WDR33: variants seen among roughly 807,000 people sequenced by gnomAD.
WDR33 encodes pre-mRNA 3' end processing protein WDR33.
Under a neutral mutation model 164.9 loss-of-function variants are expected in WDR33, and 47 were observed. The observed-to-expected ratio is 0.29, with a 90% CI of 0.23 to 0.36. The LOEUF (loss-of-function observed/expected upper bound fraction) is 0.36. WDR33 is among the 10% of genes least tolerant of loss of function. WDR33 has a pLI of 1.00. For missense variants in WDR33, 1,137 were observed against 1,754.1 expected, an observed-to-expected ratio of 0.65 and a Z score of 6.28; for synonymous variants, 505 against 589.0, an observed-to-expected ratio of 0.86 and a Z score of 2.06.
At chr2:127,804,085 G>A (rs1455473038) in intron 1 of WDR33, among the ~76,000 whole-genome samples, 1 of 152,148 alleles carries the variant, frequency 6.6e-6, no homozygotes, top group Non-Finnish European at 1.5e-5. Context: ...ACTTTGGGAG[G>A]CCGAGGAGGG....
chr2:127,771,329 T>C (rs1687995280), intron 1 of WDR33, among the ~76,000 whole-genome samples: 1 of 152,216 alleles, frequency 6.6e-6, no homozygotes, highest in South Asian at 2.1e-4. Flanking sequence ...GTTACTTTAC[T>C]GAATGCTGGT....
chr2:127,810,375 G>A (rs1009427100), intron 1 of WDR33, among the ~76,000 whole-genome samples: 4 of 152,066 alleles, frequency 2.6e-5, no homozygotes, highest in Non-Finnish European at 4.4e-5. Context: ...TAATCCCAAG[G>A]GTTACAACCA....
chr2:127,724,541 C>T lies in WDR33; in HGVS notation c.1086-98G>A. Reference sequence around the variant, plus strand: ...ATTTTCTGTTACTCTTAAAATGAAGCTACCAAAGCCTGGACTTGGACTCTG... The same window carrying T: ...ATTTTCTGTTACTCTTAAAATGAAGTTACCAAAGCCTGGACTTGGACTCTG... On this transcript the variant is annotated intron_variant, in intron 10 of 21. Transcript: ENST00000322313. This position sits in a 1 kb window ranked among gnomAD's most constrained non-coding sequence, Gnocchi z 4.8. 1 of 1,061,014 alleles carries T rather than the reference C, an allele frequency of 9.4e-7. No homozygotes were observed. Among genetic ancestry groups the T allele is most frequent in the Non-Finnish European group, 1.4e-6 (1 of 706,924 alleles). The allele number at this position is 1,061,014 out of a possible 1,614,324, so 65.7% of individuals were successfully genotyped here.
intron 1 of WDR33, among the ~76,000 whole-genome samples, chr2:127,775,146 C>T (rs916020738): frequency 2.6e-5 from 4 of 151,898 alleles, no homozygotes; most frequent in African/African-American, 7.3e-5. Flanking sequence ...CTCTGTTATG[C>T]GACTTTTATC....
intron 7 of WDR33, among the ~76,000 whole-genome samples, chr2:127,751,362 A>AAATAATAAT (rs61554819): frequency 2.8e-4 from 39 of 136,846 alleles, no homozygotes; most frequent in Non-Finnish European, 4.8e-4. Flanking sequence ...CCTTATCTCA[A>AAATAATAAT]AATAATAATA....
intron 1 of WDR33, among the ~76,000 whole-genome samples, chr2:127,785,657 TTTG>T (rs146944821): frequency 0.042 from 6,368 of 152,184 alleles, 387 homozygotes; most frequent in African/African-American, 0.14. Flanking sequence ...ATAGCTTTTT[TTTG>T]TTTTTACTAC....
chr2:127,802,675 G>A (rs1355021609), intron 1 of WDR33, among the ~76,000 whole-genome samples: 1 of 151,912 alleles, frequency 6.6e-6, no homozygotes, highest in Non-Finnish European at 1.5e-5. Context: ...TGTAAATAAC[G>A]TATTAAAAAA....
At chr2:127,733,005 T>C (rs923663682) in intron 7 of WDR33, among the ~76,000 whole-genome samples, 6 of 152,152 alleles carry the variant, frequency 3.9e-5, no homozygotes, top group African/African-American at 1.2e-4. Flanking sequence ...GAATGTAGTG[T>C]TTGTAATACT....
Position 127,779,925 on chromosome 2 carries a change from T to C in WDR33, c.-23-8921A>G, listed in dbSNP as rs181600005. Among the ~76,000 whole-genome samples, 30 of 152,194 alleles carry C rather than the reference T, an allele frequency of 2.0e-4. No homozygotes were observed. The East Asian group carries it at 5.6e-3, about 28-fold the overall frequency. ...AAAAGCAAATTATTGATGCATTAAC[T>C]AGCTAGCAATTCATATAGGACTTTT... On this transcript the variant is annotated intron_variant, in intron 1 of 21. Coordinates refer to ENST00000322313, the MANE Select transcript of WDR33 (RefSeq NM_018383.5).
chr2:127,808,392 C>G (rs189525081), intron 1 of WDR33, among the ~76,000 whole-genome samples: 139 of 152,294 alleles, frequency 9.1e-4, no homozygotes, highest in Middle Eastern at 3.4e-3. Flanking sequence ...TCCAATACTA[C>G]CTAGCTCTGG....
rs1553479882 is a variant in WDR33, at chr2:127,786,863, T to TTTA, written c.-23-15860_-23-15859insTAA. ...TCTGTTCTTTTTTTTTTTTTTTTTTTAATTTATTTTTTTATTGATAATTCT... is the reference window on the plus strand; with the variant it reads ...TCTGTTCTTTTTTTTTTTTTTTTTTTTTAAATTTATTTTTTTATTGATAATTCT... On this transcript the variant is annotated intron_variant, in intron 1 of 21. Transcript: ENST00000322313. 2.7e-3 allele frequency among the ~76,000 whole-genome samples: 336 copies of TTTA among 122,792 alleles called. 2 individuals carry two copies. Among genetic ancestry groups the TTTA allele is most frequent in the African/African-American group, 9.7e-3 (308 of 31,654 alleles). 80.6% of individuals were successfully genotyped at this position (122,792 alleles called of 152,430 possible). A position where few individuals can be genotyped will look rare whatever the true frequency, so the allele number is the denominator to read the frequency against.
chr2:127,706,671 CT>C lies in WDR33; in HGVS notation c.3782-120del. 2 of 870,302 alleles carry C rather than the reference CT, an allele frequency of 2.3e-6. No individual in the cohort carries two copies. Among genetic ancestry groups the C allele is most frequent in the Non-Finnish European group, 3.4e-6 (2 of 580,220 alleles). The allele number at this position is 870,302 out of a possible 1,614,324, so 53.9% of individuals were successfully genotyped here. On this transcript the variant is annotated intron_variant, in intron 21 of 21. Transcript: ENST00000322313. This position sits in a 1 kb window ranked among gnomAD's most constrained non-coding sequence, Gnocchi z 5.1. ...CCAGTTCTGGTGGGTGCCAGGGAGA[CT>C]GGCAGTGGTATTCAGCGTACTGAGA...
Position 127,751,595 on chromosome 2 carries a change from G to T in WDR33, c.724+11467C>A, listed in dbSNP as rs183621408. On this transcript the variant is annotated intron_variant, in intron 7 of 21. Transcript: ENST00000322313. ...TTAAAATCAGAATACACTTAAAAAA[G>T]ATACAAATGGAATAATTTGCATAGA... Among the ~76,000 whole-genome samples, 26 of 151,810 alleles carry T rather than the reference G, an allele frequency of 1.7e-4. No homozygotes were observed. The East Asian group carries it at 5.0e-3, about 29-fold the overall frequency.
intron 7 of WDR33, among the ~76,000 whole-genome samples, chr2:127,742,357 TAAATAA>T (rs1042881214): frequency 6.6e-6 from 1 of 151,192 alleles, no homozygotes; most frequent in East Asian, 1.9e-4. Flanking sequence ...AAATTAAAAC[TAAATAA>T]AAATAAAAAT....
intron 7 of WDR33, among the ~76,000 whole-genome samples, chr2:127,740,571 C>T (rs1175554872): frequency 2.0e-5 from 3 of 152,322 alleles, no homozygotes; most frequent in African/African-American, 7.2e-5. Flanking sequence ...GGGTTCAACA[C>T]AATCTTTCAA....
intron 1 of WDR33, among the ~76,000 whole-genome samples, chr2:127,798,364 T>C (rs1689114186): frequency 1.4e-5 from 1 of 72,448 alleles, no homozygotes; most frequent in Non-Finnish European, 2.3e-5. Flanking sequence ...CGAGACACCG[T>C]CGCAAAAAAA....
Position 127,718,218 on chromosome 2 carries a change from A to C in WDR33, c.2761-955T>G, listed in dbSNP as rs1434010974. On this transcript the variant is annotated intron_variant, in intron 16 of 21. Coordinates refer to ENST00000322313, the MANE Select transcript of WDR33 (RefSeq NM_018383.5). The surrounding 1 kb of genome is among the most constrained non-coding windows in gnomAD (Gnocchi z 4.4). Reference sequence around the variant, plus strand: ...GTTGAGTTCAGGAAACCCAATGGTCATCTTTACATTAGGGATTCGTGGTGG... The same window carrying C: ...GTTGAGTTCAGGAAACCCAATGGTCCTCTTTACATTAGGGATTCGTGGTGG... 6.6e-6 allele frequency among the ~76,000 whole-genome samples: 1 copy of C among 152,152 alleles called. No homozygotes were observed. The highest frequency in any genetic ancestry group is 2.4e-5 in the African/African-American group (1 of 41,430).
chr2:127,777,891 C>A lies in WDR33; in HGVS notation c.-23-6887G>T, dbSNP rs535468017. ...CCTCTCAAAGTGGTGGGATTATAGG[C>A]ATAAGCCACTGCACCTGGTCAATTC... On this transcript the variant is annotated intron_variant, in intron 1 of 21. Coordinates refer to ENST00000322313, the MANE Select transcript of WDR33 (RefSeq NM_018383.5). 6.1e-4 allele frequency among the ~76,000 whole-genome samples: 93 copies of A among 152,310 alleles called. 1 individual carries two copies. The South Asian group carries it at 0.013, about 21-fold the overall frequency.
At chr2:127,746,039 A>AT (rs1687158571) in intron 7 of WDR33, among the ~76,000 whole-genome samples, 1 of 127,208 alleles carries the variant, frequency 7.9e-6, no homozygotes, top group Middle Eastern at 4.0e-3. Context: ...ACATAAAATA[A>AT]TTAAAAAAAA....
Sources: allele counts gnomAD v4.1 joint callset (sites outside exome capture counted in the v4.1 genomes callset), GRCh38; gene constraint gnomAD v4.1.1; non-coding constraint Gnocchi (gnomAD v3.1); transcripts MANE v1.5; gene names NCBI Gene and HGNC (gene_info 2026-07-23, HGNC 2026-07-21).